Variants in LMO2 observed in about 807,000 individuals in gnomAD.
The protein encoded by LMO2 is LIM domain only 2, also known as rhombotin-2.
A neutral mutation model predicts 23.2 loss-of-function variants in LMO2; 20 were observed. That is an observed-to-expected ratio of 0.86 (90% confidence interval 0.61 to 1.25). The LOEUF (loss-of-function observed/expected upper bound fraction) is 1.25. LMO2 is among the 50% of genes most tolerant of loss of function. The pLI is 0.00. For missense variants in LMO2, 270 were observed against 315.3 expected (o/e 0.86, Z 1.09); for synonymous variants, 123 against 130.2 (o/e 0.94, Z 0.38).
rs918583747 is a variant in LMO2 at position 33,869,966 on chromosome 11, C to T, written c.-250G>A. 1 of 1,037,444 alleles carries T rather than the reference C, an allele frequency of 9.6e-7. No individual in the cohort carries two copies. Among genetic ancestry groups the T allele is most frequent in the African/African-American group, 1.7e-5 (1 of 58,574 alleles). 64.3% of individuals were successfully genotyped at this position (1,037,444 alleles called of 1,614,324 possible). On this transcript the variant is annotated 5_prime_UTR_variant, in exon 3 of 6. Coordinates refer to ENST00000257818, the MANE Select transcript of LMO2 (RefSeq NM_005574.4). ...CTATTTTCGCTCAGCTTCCCTCTGT[C>T]TCTGGTTTCATTTCCTTTTTCCTGA...
rs1461734584 is a variant in LMO2, at chr11:33,880,285, C to CATACATATG, written c.-272+1538_-272+1539insCATATGTAT. The stretch of plus-strand genomic sequence containing the variant: ...TATCATACATACACATGATATATAT[C>CATACATATG]ATATATATCATATATATACATATCA... On this transcript the variant is annotated intron_variant, in intron 2 of 5. Transcript: ENST00000257818. The surrounding 1 kb of genome is among the most constrained non-coding windows in gnomAD (Gnocchi z 4.3). 9.5e-4 allele frequency among the ~76,000 whole-genome samples: 51 copies of CATACATATG among 53,614 alleles called. No homozygotes were observed. The highest frequency in any genetic ancestry group is 3.9e-3 in the African/African-American group (50 of 12,898). The allele number at this position is 53,614 out of a possible 152,430, so 35.2% of individuals were successfully genotyped here. A position where few individuals can be genotyped will look rare whatever the true frequency, so the allele number is the denominator to read the frequency against.
intron 1 of LMO2, among the ~76,000 whole-genome samples, chr11:33,888,504 C>T (rs896081468): frequency 2.6e-5 from 4 of 152,230 alleles, no homozygotes; most frequent in African/African-American, 9.7e-5. Context: ...CCACACAGGA[C>T]CCCTTGTCAT....
chr11:33,869,530 TCCGGCGCTCCG>T lies in LMO2; in HGVS notation c.53_63del (p.Ala18GlufsTer67). 1 of 1,253,098 alleles carries T rather than the reference TCCGGCGCTCCG, an allele frequency of 8.0e-7. No individual in the cohort carries two copies. The highest frequency in any genetic ancestry group is 1.6e-5 in the African/African-American group (1 of 61,628). 77.6% of individuals were successfully genotyped at this position (1,253,098 alleles called of 1,614,324 possible). ...CCGCCGCTCCTGCGCCTCCGCTTGC[TCCGGCGCTCCG>T]CCGGCGAGCTCGCCCCTCCGCGCTC... On this transcript the variant is annotated frameshift_variant, in exon 4 of 6. Transcript: ENST00000257818. LOFTEE classifies it high-confidence loss of function.
intron 1 of LMO2, among the ~76,000 whole-genome samples, chr11:33,888,931 G>C (rs192556122): frequency 6.6e-6 from 1 of 152,212 alleles, no homozygotes; most frequent in African/African-American, 2.4e-5. Flanking sequence ...GGCTCAGGAA[G>C]GGTACGCAAC....
At chr11:33,863,670 T>G (rs1856664910) in intron 5 of LMO2, among the ~76,000 whole-genome samples, 1 of 152,174 alleles carries the variant, frequency 6.6e-6, no homozygotes, top group South Asian at 2.1e-4. Context: ...CTAGAAACAC[T>G]AGTACATTCT....
rs1390705637 is a variant in LMO2, at chr11:33,891,376, CACACACACACACAT to C, written c.-336+405_-336+418del. Among the ~76,000 whole-genome samples the C allele has an allele frequency of 8.7e-3, 1,184 of 135,636 alleles. 42 individuals are homozygous for C. In the East Asian group the frequency reaches 0.12, roughly 14 times the overall value. 89.0% of individuals were successfully genotyped at this position (135,636 alleles called of 152,430 possible). A position where few individuals can be genotyped will look rare whatever the true frequency, so the allele number is the denominator to read the frequency against. On this transcript the variant is annotated intron_variant, in intron 1 of 5. Transcript: ENST00000257818. ...ACACACACACACACACACACACACACACACACACACACATGCACACACACTCACACAGTTGCTGG... is the reference window on the plus strand; with the variant it reads ...ACACACACACACACACACACACACACGCACACACACTCACACAGTTGCTGG...
chr11:33,874,492 T>G (rs1199079860), intron 2 of LMO2, among the ~76,000 whole-genome samples: 1 of 152,098 alleles, frequency 6.6e-6, no homozygotes, highest in African/African-American at 2.4e-5. Flanking sequence ...CTCACAGGAG[T>G]TTTGAGAGGA....
chr11:33,863,412 GGTTTT>G (rs1856654727), intron 5 of LMO2, among the ~76,000 whole-genome samples: 1 of 152,024 alleles, frequency 6.6e-6, no homozygotes, highest in African/African-American at 2.4e-5. Context: ...CAGTTTTTTT[GGTTTT>G]GTTTTGTTTC....
intron 4 of LMO2, among the ~76,000 whole-genome samples, chr11:33,866,091 T>C (rs1856772320): frequency 6.6e-6 from 1 of 152,222 alleles, no homozygotes; most frequent in African/African-American, 2.4e-5. Context: ...CCAGGCGACC[T>C]TGTGTCCTAA....
chr11:33,868,777 T>A (rs1006743061), intron 4 of LMO2, among the ~76,000 whole-genome samples: 6 of 152,216 alleles, frequency 3.9e-5, no homozygotes, highest in Non-Finnish European at 7.4e-5. Context: ...CGGATTTCGC[T>A]GCTCTAGAAA....
intron 2 of LMO2, chr11:33,871,201 CTGTGTGTGTGTGTGTGTG>C (rs56309116): frequency 5.8e-4 from 93 of 160,102 alleles, no homozygotes; most frequent in Non-Finnish European, 1.0e-3. Flanking sequence ...TAATCAAAAG[CTGTGTGTGTGTGTGTGTG>C]TGTGTGTGTG....
At position 33,871,567 on chromosome 11, in the gene LMO2, CA is replaced by C. The variant is rs58212820; in HGVS notation, c.-271-1581del. ...TGGGGAACAGAGTGAGACCCTGTCT[CA>C]AAAAAAAAAAAAAAAAAAAAAGTTG... On this transcript the variant is annotated intron_variant, in intron 2 of 5. Coordinates refer to ENST00000257818, the MANE Select transcript of LMO2 (RefSeq NM_005574.4). Among the ~76,000 whole-genome samples the C allele has an allele frequency of 6.7e-3, 354 of 52,924 alleles. 1 individual carries two copies. The highest frequency in any genetic ancestry group is 0.018 in the East Asian group (33 of 1,838). 34.7% of individuals were successfully genotyped at this position (52,924 alleles called of 152,430 possible). A position where few individuals can be genotyped will look rare whatever the true frequency, so the allele number is the denominator to read the frequency against.
intron 1 of LMO2, among the ~76,000 whole-genome samples, chr11:33,886,671 G>A (rs561325181): frequency 6.6e-6 from 1 of 152,332 alleles, no homozygotes; most frequent in South Asian, 2.1e-4. Flanking sequence ...GTATCCCACA[G>A]CTGTGAGTGG....
In LMO2 at chr11:33,869,810, C is replaced by G; in HGVS notation, c.-94G>C. ...GATGGTGTGCGCCCGCCCGGCCGCCCGGAGCCCCTCGCACCTTCGGCCCGG... is the reference window on the plus strand; with the variant it reads ...GATGGTGTGCGCCCGCCCGGCCGCCGGGAGCCCCTCGCACCTTCGGCCCGG... On this transcript the variant is annotated 5_prime_UTR_variant, in exon 3 of 6. Transcript: ENST00000257818. 9.1e-7 allele frequency: 1 copy of G among 1,104,464 alleles called. No individual in the cohort carries two copies. The highest frequency in any genetic ancestry group is 1.1e-6 in the Non-Finnish European group (1 of 908,168). 68.4% of individuals were successfully genotyped at this position (1,104,464 alleles called of 1,614,324 possible).
At chr11:33,870,342 T>A (rs1856979167) in intron 2 of LMO2, 1 of 983,714 alleles carries the variant, frequency 1.0e-6, no homozygotes, top group African/African-American at 1.7e-5. Flanking sequence ...AATAAGCACC[T>A]ACAGAAATGC....
chr11:33,887,358 C>A (rs1263909854), intron 1 of LMO2, among the ~76,000 whole-genome samples: 1 of 149,714 alleles, frequency 6.7e-6, no homozygotes, highest in African/African-American at 2.6e-5. Context: ...TCATTACCGT[C>A]AATTTTCCAT....
At chr11:33,861,823 C>G (rs1856592250) in intron 5 of LMO2, among the ~76,000 whole-genome samples, 1 of 152,158 alleles carries the variant, frequency 6.6e-6, no homozygotes, top group Admixed American at 6.5e-5. Context: ...ATGTGGGAGA[C>G]AAGTTCAGGT....
In LMO2 at chr11:33,869,824, C is replaced by A. The variant is rs1183634211; in HGVS notation, c.-108G>T. Reference sequence around the variant, plus strand: ...GCCCGGCCGCCCGGAGCCCCTCGCACCTTCGGCCCGGGTCGCGGCGCGCTG... The same window carrying A: ...GCCCGGCCGCCCGGAGCCCCTCGCAACTTCGGCCCGGGTCGCGGCGCGCTG... On this transcript the variant is annotated 5_prime_UTR_variant, in exon 3 of 6. Coordinates refer to ENST00000257818, the MANE Select transcript of LMO2 (RefSeq NM_005574.4). 9.2e-7 allele frequency: 1 copy of A among 1,082,848 alleles called. No individual in the cohort carries two copies. Among genetic ancestry groups the A allele is most frequent in the South Asian group, 4.4e-5 (1 of 22,722 alleles). The allele number at this position is 1,082,848 out of a possible 1,614,324, so 67.1% of individuals were successfully genotyped here. A position where few individuals can be genotyped will look rare whatever the true frequency, so the allele number is the denominator to read the frequency against.
At position 33,864,879 on chromosome 11, in the gene LMO2, G is replaced by A. The variant is rs764177431; in HGVS notation, c.249-62C>T. 6.6e-6 allele frequency: 10 copies of A among 1,517,120 alleles called. No individual in the cohort carries two copies. The highest frequency in any genetic ancestry group is 2.3e-5 in the East Asian group (1 of 44,418). The allele number at this position is 1,517,120 out of a possible 1,614,324, so 94.0% of individuals were successfully genotyped here. On this transcript the variant is annotated intron_variant, in intron 4 of 5. Coordinates refer to ENST00000257818, the MANE Select transcript of LMO2 (RefSeq NM_005574.4). The surrounding 1 kb of genome is among the most constrained non-coding windows in gnomAD (Gnocchi z 4.8). Reference sequence around the variant, plus strand: ...AGAGTGAGACCAGCACCGAGGGTCCGAGATCGTTTTGGGCCAGACAGGGCA... The same window carrying A: ...AGAGTGAGACCAGCACCGAGGGTCCAAGATCGTTTTGGGCCAGACAGGGCA...
Sources: allele counts gnomAD v4.1 joint callset (sites outside exome capture counted in the v4.1 genomes callset), GRCh38; gene constraint gnomAD v4.1.1; non-coding constraint Gnocchi (gnomAD v3.1); transcripts MANE v1.5; gene names NCBI Gene and HGNC (gene_info 2026-07-23, HGNC 2026-07-21).